Variants in SVIL observed in about 807,000 individuals in gnomAD.
SVIL encodes supervillin.
Under a neutral mutation model 240.4 loss-of-function variants are expected in SVIL, and 101 were observed. That is an observed-to-expected ratio of 0.42 (90% CI 0.36 to 0.50). The LOEUF is 0.50. Ranked by LOEUF, SVIL falls within the 20% of genes least tolerant of loss-of-function variation. The pLI is 0.01. For synonymous variants in SVIL, 999 were observed against 1,100.0 expected, an observed-to-expected ratio of 0.91 and a Z score of 1.82; for missense variants, 2,512 against 2,818.7, an observed-to-expected ratio of 0.89 and a Z score of 2.46.
At chr10:29,471,068 C>T in intron 31 of SVIL, 70 bp downstream of exon 31, 1 of 1,394,336 alleles carries the variant, frequency 7.2e-7, no homozygotes, top group Non-Finnish European at 1.0e-6. Flanking sequence ...ACTTTCAGCC[C>T]CCAGCTTATA....
At chr10:29,649,112 A>T (rs752967527) in intron 3 of SVIL, among the ~76,000 whole-genome samples, 1 of 152,184 alleles carries the variant, frequency 6.6e-6, no homozygotes, top group Non-Finnish European at 1.5e-5. Flanking sequence ...GTGAGCTGTG[A>T]TTACACCACT....
intron 29 of SVIL, 128 bp downstream of exon 29, chr10:29,480,409 G>T (rs922002008): frequency 2.5e-6 from 3 of 1,187,208 alleles, no homozygotes; most frequent in Non-Finnish European, 3.6e-6. Context: ...TCTCAAAGGC[G>T]CATGACTGCA....
intron 1 of SVIL, among the ~76,000 whole-genome samples, chr10:29,584,686 C>T (rs1026059639): frequency 5.9e-5 from 9 of 152,158 alleles, no homozygotes; most frequent in African/African-American, 1.7e-4. Context: ...CCCATGGAGT[C>T]GACACGGGTT....
intron 34 of SVIL, among the ~76,000 whole-genome samples, chr10:29,464,875 T>G (rs1944710166): frequency 6.6e-6 from 1 of 150,832 alleles, no homozygotes; most frequent in Non-Finnish European, 1.5e-5. Context: ...GTGGGAGGGG[T>G]TGTCAAGCCC....
chr10:29,691,119 A>T (rs1961463212), intron 1 of SVIL, among the ~76,000 whole-genome samples: 2 of 152,182 alleles, frequency 1.3e-5, no homozygotes, highest in South Asian at 4.1e-4. Context: ...TATAGTAGAA[A>T]GATTTTTTTT....
At chr10:29,494,189 A>T (rs904027818) in intron 20 of SVIL, among the ~76,000 whole-genome samples, 1 of 152,246 alleles carries the variant, frequency 6.6e-6, no homozygotes, top group Non-Finnish European at 1.5e-5. Flanking sequence ...CAAGAAAAAA[A>T]AAAAGCAAGT....
intron 1 of SVIL, among the ~76,000 whole-genome samples, chr10:29,693,528 G>A (rs74131935): frequency 0.027 from 4,093 of 152,166 alleles, 170 homozygotes; most frequent in African/African-American, 0.094. Flanking sequence ...GAGATGCCTG[G>A]AAAAATGGGA....
intron 1 of SVIL, among the ~76,000 whole-genome samples, chr10:29,611,810 C>T (rs1354134925): frequency 6.6e-6 from 1 of 152,052 alleles, no homozygotes; most frequent in African/African-American, 2.4e-5. Context: ...GTGACTGGAG[C>T]CAACTGGTTC....
intron 16 of SVIL, among the ~76,000 whole-genome samples, chr10:29,513,112 T>G (rs1320969600): frequency 2.0e-5 from 3 of 152,248 alleles, no homozygotes; most frequent in Non-Finnish European, 4.4e-5. Context: ...AGATAAAAGA[T>G]GCACCATCAT....
At chr10:29,685,839 G>T (rs974577857) in intron 2 of SVIL, among the ~76,000 whole-genome samples, 4 of 152,084 alleles carry the variant, frequency 2.6e-5, no homozygotes, top group African/African-American at 7.2e-5. Context: ...GTTTTGTTGG[G>T]TCCCTTGGCT....
intron 16 of SVIL, among the ~76,000 whole-genome samples, chr10:29,520,950 A>C (rs1950523693): frequency 6.6e-6 from 1 of 151,300 alleles, no homozygotes; most frequent in African/African-American, 2.4e-5. Flanking sequence ...GGGGCCAGGC[A>C]CGGTGGCTCA....
intron 1 of SVIL, among the ~76,000 whole-genome samples, chr10:29,596,529 A>G (rs1201280269): frequency 6.6e-6 from 1 of 152,164 alleles, no homozygotes; most frequent in Non-Finnish European, 1.5e-5. Context: ...AGAGCATTTC[A>G]GTAAGCCATC....
At chr10:29,690,487 C>A (rs1049278691) in intron 1 of SVIL, among the ~76,000 whole-genome samples, 1 of 151,982 alleles carries the variant, frequency 6.6e-6, no homozygotes, top group Non-Finnish European at 1.5e-5. Flanking sequence ...AATATGGAGG[C>A]TATTTATATC....
intron 3 of SVIL, among the ~76,000 whole-genome samples, chr10:29,555,671 C>A (rs1473721146): frequency 6.6e-6 from 1 of 152,134 alleles, no homozygotes; most frequent in African/African-American, 2.4e-5. Flanking sequence ...AGCAAGCTTT[C>A]TCTAGGAAAG....
At chr10:29,518,343 G>A (rs139922675) in intron 16 of SVIL, among the ~76,000 whole-genome samples, 4,362 of 152,168 alleles carry the variant, frequency 0.029, 203 homozygotes, top group African/African-American at 0.1. Context: ...AGCCAAGATC[G>A]TGTCACTGCA....
chr10:29,723,479 T>C (rs1274651555), intron 1 of SVIL, among the ~76,000 whole-genome samples: 1 of 152,158 alleles, frequency 6.6e-6, no homozygotes, highest in Non-Finnish European at 1.5e-5. Context: ...AAACTTTCGG[T>C]ATTCACTGTT....
intron 7 of SVIL, 44 bp from the exon 8 acceptor site, chr10:29,533,502 G>A: frequency 6.4e-7 from 1 of 1,570,490 alleles, no homozygotes. Flanking sequence ...TGCAGTAACG[G>A]CCTCACAGGA....
chr10:29,533,135 T>C lies in SVIL; in HGVS notation c.1232A>G (p.Glu411Gly). The C allele has an allele frequency of 6.2e-7, 1 of 1,614,138 alleles. No homozygotes were observed. Among genetic ancestry groups the C allele is most frequent in the South Asian group, 1.1e-5 (1 of 91,076 alleles). Residue 411 changes from glutamate to glycine, a missense_variant, in exon 8 of 38, where the codon GAA becomes GGA. Transcript: ENST00000355867. ...AACTGGGCTATCCCTTCCGTCACCTTCTAGAACCGTCAAGCTGGGAGGTTT... is the reference window on the plus strand; with the variant it reads ...AACTGGGCTATCCCTTCCGTCACCTCCTAGAACCGTCAAGCTGGGAGGTTT... ...VPKPPSLTVL[E>G]GDGRDSPVLH... is the part of the protein sequence containing the mutation.
At chr10:29,656,991 A>G (rs1959025839) in intron 3 of SVIL, among the ~76,000 whole-genome samples, 1 of 152,256 alleles carries the variant, frequency 6.6e-6, no homozygotes, top group Admixed American at 6.5e-5. Flanking sequence ...TAGTATCTAC[A>G]AAGTGAATAC....
Sources: allele counts gnomAD v4.1 joint callset (sites outside exome capture counted in the v4.1 genomes callset), GRCh38; gene constraint gnomAD v4.1.1; transcripts MANE v1.5; gene names NCBI Gene and HGNC (gene_info 2026-07-23, HGNC 2026-07-21).